The following VWA8 variants were observed in gnomAD, a reference collection of about 807,000 sequenced individuals.
VWA8 encodes von Willebrand factor A domain-containing protein 8.
Under a neutral mutation model 241.5 loss-of-function variants are expected in VWA8, and 221 were observed. That is an observed-to-expected ratio of 0.91 (90% CI 0.82 to 1.02). The LOEUF (loss-of-function observed/expected upper bound fraction) is 1.02. Among genes scored for constraint, VWA8 ranks in the 50% least tolerant of loss-of-function variants. The pLI, the probability that VWA8 is intolerant of heterozygous loss-of-function variation, is 0.00. For missense variants in VWA8, 2,322 were observed against 2,328.7 expected, an observed-to-expected ratio of 1.00 and a Z score of 0.06; for synonymous variants, 852 against 827.1, an observed-to-expected ratio of 1.03 and a Z score of -0.52.
At chr13:41,571,772 C>G (rs932718855) in intron 43 of VWA8, among the ~76,000 whole-genome samples, 1 of 152,074 alleles carries the variant, frequency 6.6e-6, no homozygotes, top group Admixed American at 6.5e-5. Context: ...GCCGCCACCC[C>G]GTCTGGGAAG....
At chr13:41,703,223 T>C in intron 27 of VWA8, 80 bp downstream of exon 27, 1 of 1,103,692 alleles carries the variant, frequency 9.1e-7, no homozygotes, top group Non-Finnish European at 1.3e-6. Flanking sequence ...ATTTCTGAGA[T>C]TGTTTGAATT....
chr13:41,621,545 T>C (rs2044657250), intron 37 of VWA8, among the ~76,000 whole-genome samples: 1 of 152,222 alleles, frequency 6.6e-6, no homozygotes, highest in Admixed American at 6.6e-5. Flanking sequence ...TGTATTCTGG[T>C]ACACTATTTA....
chr13:41,933,617 T>C (rs1205345075), intron 2 of VWA8, among the ~76,000 whole-genome samples: 2 of 151,814 alleles, frequency 1.3e-5, no homozygotes, highest in African/African-American at 4.8e-5. Context: ...GACAGAAAAA[T>C]AGATCAATGG....
chr13:41,721,550 A>G lies in VWA8; in HGVS notation c.2784T>C (p.Val928=). 1 of 1,613,516 alleles carries G rather than the reference A, an allele frequency of 6.2e-7. No individual in the cohort carries two copies. Among genetic ancestry groups the G allele is most frequent in the Non-Finnish European group, 8.5e-7 (1 of 1,179,664 alleles). ...TLGDIFSCHA[V]DNPKPHSELE... ...GCTCCGAGTGGGGTTTGGGGTTATC[A>G]ACTGCATGGCAGCTAAAAATATCAC... Residue 928 remains valine (V), a synonymous_variant, in exon 25 of 45, where the codon GTT becomes GTC. Coordinates refer to ENST00000379310, the MANE Select transcript of VWA8 (RefSeq NM_015058.2).
Position 41,790,947 on chromosome 13 carries a change from A to C in VWA8, c.2064-3404T>G, listed in dbSNP as rs544240201. Among the ~76,000 whole-genome samples, 328 of 152,058 alleles carry C rather than the reference A, an allele frequency of 2.2e-3. 2 individuals are homozygous for C. The highest frequency in any genetic ancestry group is 7.0e-3 in the African/African-American group (289 of 41,566). On this transcript the variant is annotated intron_variant, in intron 17 of 44. Transcript: ENST00000379310. Reference sequence around the variant, plus strand: ...TTTAAAAATTACATTAACAAAAAAAAGCCCAACTAATATTTATAAACTCAA... The same window carrying C: ...TTTAAAAATTACATTAACAAAAAAACGCCCAACTAATATTTATAAACTCAA...
At chr13:41,877,183 C>T (rs922287056) in intron 9 of VWA8, among the ~76,000 whole-genome samples, 3 of 152,048 alleles carry the variant, frequency 2.0e-5, no homozygotes, top group African/African-American at 7.2e-5. Context: ...TATTAATTAA[C>T]AGCAACTATA....
chr13:41,927,586 C>T (rs567650291), intron 2 of VWA8, among the ~76,000 whole-genome samples: 9 of 150,790 alleles, frequency 6.0e-5, no homozygotes, highest in Non-Finnish European at 1.0e-4. Flanking sequence ...CTCATCATAC[C>T]TGCAAAACAA....
At chr13:41,753,933 A>G (rs1282872585) in intron 21 of VWA8, among the ~76,000 whole-genome samples, 1 of 152,118 alleles carries the variant, frequency 6.6e-6, no homozygotes, top group Non-Finnish European at 1.5e-5. Context: ...TTTTAGACAT[A>G]TGTTTCTCTT....
intron 12 of VWA8, among the ~76,000 whole-genome samples, chr13:41,863,702 C>T (rs1344859383): frequency 6.6e-6 from 1 of 151,806 alleles, no homozygotes; most frequent in African/African-American, 2.4e-5. Flanking sequence ...GGACATTATC[C>T]TATGTGAACT....
chr13:41,615,038 T>C lies in VWA8; in HGVS notation c.4658A>G (p.His1553Arg), dbSNP rs769939843. 27 of 1,613,788 alleles carry C rather than the reference T, an allele frequency of 1.7e-5. No homozygotes were observed. The South Asian group carries it at 2.7e-4, about 16-fold the overall frequency. The change falls in exon 38 of 45, where the codon CAC becomes CGC. Residue 1553 changes from histidine to arginine, a missense_variant. Transcript: ENST00000379310. ...DSGEDVSSPK[H>R]GKEDPDNMPH... ...CATGTTGTCTGGGTCCTCCTTCCCG[T>C]GTTTGGGGGAGCTTACATCTTCACC...
At chr13:41,626,082 T>A (rs1203123344) in intron 37 of VWA8, among the ~76,000 whole-genome samples, 1 of 75,658 alleles carries the variant, frequency 1.3e-5, no homozygotes, top group Non-Finnish European at 2.4e-5. Flanking sequence ...GGGACTGTTG[T>A]GGGGTGGGGG....
chr13:41,845,134 A>G (rs1872229756), intron 12 of VWA8, among the ~76,000 whole-genome samples: 1 of 152,018 alleles, frequency 6.6e-6, no homozygotes, highest in African/African-American at 2.4e-5. Flanking sequence ...ATCACATTAC[A>G]TGACTTCATG....
chr13:41,590,493 TTCTTC>T (rs2044446983), intron 41 of VWA8, 142 bp downstream of exon 41: 8 of 953,538 alleles, frequency 8.4e-6, no homozygotes, highest in Non-Finnish European at 8.9e-6. Context: ...TTTCTTCTTC[TTCTTC>T]TTTTTTTTTT....
At chr13:41,649,642 A>G (rs928124175) in intron 37 of VWA8, among the ~76,000 whole-genome samples, 5 of 148,556 alleles carry the variant, frequency 3.4e-5, no homozygotes, top group Admixed American at 6.6e-5. Flanking sequence ...TTGTTTTTTC[A>G]TTTCCAAAGG....
At chr13:41,729,432 TTGAACTTA>T (rs920691526) in intron 23 of VWA8, 102 bp downstream of exon 23, 2 of 1,103,372 alleles carry the variant, frequency 1.8e-6, no homozygotes, top group African/African-American at 3.2e-5. Flanking sequence ...TTAAGTCATA[TTGAACTTA>T]TGCTTATTAT....
At chr13:41,776,595 A>G (rs1210009880) in intron 20 of VWA8, among the ~76,000 whole-genome samples, 1 of 152,234 alleles carries the variant, frequency 6.6e-6, no homozygotes, top group Non-Finnish European at 1.5e-5. Flanking sequence ...TATTACTTTT[A>G]AACTATACAG....
intron 17 of VWA8, among the ~76,000 whole-genome samples, chr13:41,789,471 CA>C (rs963290957): frequency 1.2e-4 from 18 of 150,282 alleles, no homozygotes; most frequent in African/African-American, 3.2e-4. Context: ...ATTTTACCAA[CA>C]AAAAAAAATT....
At chr13:41,922,256 A>T (rs182853176) in intron 2 of VWA8, among the ~76,000 whole-genome samples, 3 of 152,316 alleles carry the variant, frequency 2.0e-5, no homozygotes, top group Admixed American at 6.5e-5. Context: ...ACTGGATCCC[A>T]TCCTTACACC....
At chr13:41,916,780 CA>C (rs1471913892) in intron 2 of VWA8, among the ~76,000 whole-genome samples, 4 of 152,060 alleles carry the variant, frequency 2.6e-5, no homozygotes, top group Admixed American at 2.6e-4. Flanking sequence ...AAAAGCACGC[CA>C]GAAATAGAAA....
Sources: gnomAD v4.1 joint callset for allele counts (sites outside exome capture counted in the v4.1 genomes callset) on GRCh38, gnomAD v4.1.1 for gene constraint, MANE v1.5 for transcripts, NCBI Gene and HGNC (gene_info 2026-07-23, HGNC 2026-07-21) for gene names.